BAZ1A: variants seen among roughly 807,000 people sequenced by gnomAD.
BAZ1A encodes the protein bromodomain adjacent to zinc finger domain 1A.
In BAZ1A, 50 loss-of-function variants were observed where a neutral mutation model predicts 185.2. That is an observed-to-expected ratio of 0.27 (90% CI 0.22 to 0.34). The LOEUF (loss-of-function observed/expected upper bound fraction) is 0.34, where lower values mean the gene tolerates loss of function less well. Ranked by LOEUF, BAZ1A falls within the 10% of genes least tolerant of loss-of-function variation. BAZ1A has a pLI of 1.00. For missense variants in BAZ1A, 1,356 were observed against 1,839.9 expected (o/e 0.74, Z 4.81); for synonymous variants, 571 against 615.6 (o/e 0.93, Z 1.07).
rs775384429 is a variant in BAZ1A, at chr14:34,786,170, G to A, written c.1562C>T (p.Ser521Phe). 47 of 1,613,482 alleles carry A rather than the reference G, an allele frequency of 2.9e-5. No individual in the cohort carries two copies. In the East Asian group the frequency reaches 1.0e-3, roughly 36 times the overall value. ...EDADPTKSALSAVASLAAAWP... is the reference protein window; with the variant it reads ...EDADPTKSALFAVASLAAAWP... ...TGCAGCTGCCAAAGATGCAACTGCAGACAGTGCAGATTTTGTGGGGTCTGC... is the reference window on the plus strand; with the variant it reads ...TGCAGCTGCCAAAGATGCAACTGCAAACAGTGCAGATTTTGTGGGGTCTGC... Residue 521 changes from serine to phenylalanine, a missense_variant, in exon 13 of 27, where the codon TCT (serine) becomes TTT (phenylalanine). Coordinates refer to ENST00000360310, the MANE Select transcript of BAZ1A (RefSeq NM_013448.3).
rs33993387 is a variant in BAZ1A, at chr14:34,859,428, C to CA, written c.392+2615dup. Among the ~76,000 whole-genome samples the CA allele has an allele frequency of 1.6e-3, 209 of 130,886 alleles. 3 individuals are homozygous for CA. The highest frequency in any genetic ancestry group is 9.5e-3 in the East Asian group (35 of 3,672). The allele number at this position is 130,886 out of a possible 152,430, so 85.9% of individuals were successfully genotyped here. ...TCTGGGCAACAGGGCCAGACCCTGT[C>CA]AAAAAAAAAAAAAAAAATCCACAGA... is the stretch of plus-strand genomic sequence containing the variant. On this transcript the variant is annotated intron_variant, in intron 3 of 26. Coordinates refer to ENST00000360310, the MANE Select transcript of BAZ1A (RefSeq NM_013448.3).
chr14:34,796,191 C>CAT (rs1464672893), intron 9 of BAZ1A, among the ~76,000 whole-genome samples: 1 of 151,190 alleles, frequency 6.6e-6, no homozygotes, highest in Non-Finnish European at 1.5e-5. Context: ...CACACACACA[C>CAT]ATATATGCAT....
intron 3 of BAZ1A, among the ~76,000 whole-genome samples, chr14:34,853,831 T>C (rs2042634024): frequency 6.6e-6 from 1 of 151,832 alleles, no homozygotes; most frequent in Admixed American, 6.6e-5. Flanking sequence ...AATGAGACAA[T>C]AAGAAAAGAA....
At chr14:34,867,705 G>C (rs568775348) in intron 2 of BAZ1A, among the ~76,000 whole-genome samples, 1 of 152,284 alleles carries the variant, frequency 6.6e-6, no homozygotes, top group African/African-American at 2.4e-5. Context: ...AAGGAGGCAG[G>C]ACATGCTACC....
intron 10 of BAZ1A, 36 bp from the exon 11 acceptor site, chr14:34,794,923 C>T: frequency 1.9e-6 from 3 of 1,594,782 alleles, no homozygotes; most frequent in African/African-American, 1.4e-5. Context: ...CTATTTGAAC[C>T]AAGAGCAGGA....
At chr14:34,796,262 C>T (rs1381953092) in intron 9 of BAZ1A, among the ~76,000 whole-genome samples, 2 of 151,952 alleles carry the variant, frequency 1.3e-5, no homozygotes, top group Non-Finnish European at 2.9e-5. Context: ...GCAGAAGAAG[C>T]CTTGAACCCG....
rs143745163 is a variant in BAZ1A, at chr14:34,794,829, G to C, written c.1283C>G (p.Ala428Gly). 18 of 1,613,980 alleles carry C rather than the reference G, an allele frequency of 1.1e-5. No individual in the cohort carries two copies. In the African/African-American group the frequency reaches 2.3e-4, roughly 20 times the overall value. Residue 428 changes from alanine to glycine, a missense_variant, in exon 11 of 27, where the codon GCT (alanine) becomes GGT (glycine). By Grantham distance (60) the Ala-to-Gly change is moderately conservative. Around this residue, in one of 7 missense-constraint regions of BAZ1A, gnomAD observed 184 missense variants for 355.1 expected, o/e 0.52. Coordinates refer to ENST00000360310, the MANE Select transcript of BAZ1A (RefSeq NM_013448.3). ...ATTAAGGAACTCCAAAACCATCAGA[G>C]CATCACCAAAGATTTCAGGAGGTAG... Reference protein sequence around the residue: ...TRLPPEIFGDALMVLEFLNAF... With the variant: ...TRLPPEIFGDGLMVLEFLNAF...
rs372299428 is a variant in BAZ1A, at chr14:34,806,781, C to A, written c.726+670G>T. Among the ~76,000 whole-genome samples, 91 of 151,758 alleles carry A rather than the reference C, an allele frequency of 6.0e-4. 1 individual carries two copies. The South Asian group carries it at 0.018, about 30-fold the overall frequency. ...TATATTATTTTGAGACAGGGTCTCA[C>A]TCTGTTGTCCAGGCTGGAGTGCAGT... On this transcript the variant is annotated intron_variant, in intron 6 of 26. Coordinates refer to ENST00000360310, the MANE Select transcript of BAZ1A (RefSeq NM_013448.3).
intron 16 of BAZ1A, among the ~76,000 whole-genome samples, chr14:34,781,907 G>A (rs1263780763): frequency 2.6e-5 from 4 of 152,118 alleles, no homozygotes; most frequent in African/African-American, 9.7e-5. Flanking sequence ...GACATACCAC[G>A]GAAGAGATAT....
intron 3 of BAZ1A, among the ~76,000 whole-genome samples, chr14:34,839,801 C>T (rs1449429432): frequency 7.0e-6 from 1 of 143,232 alleles, no homozygotes; most frequent in Admixed American, 7.3e-5. Flanking sequence ...GATCGTGCCA[C>T]TGCACTCCAG....
At chr14:34,868,780 G>A (rs1343168798) in intron 2 of BAZ1A, among the ~76,000 whole-genome samples, 1 of 151,394 alleles carries the variant, frequency 6.6e-6, no homozygotes, top group Non-Finnish European at 1.5e-5. Context: ...CAGCCTGGGC[G>A]ACACAGTGAG....
intron 21 of BAZ1A, among the ~76,000 whole-genome samples, chr14:34,767,182 C>G (rs1001519764): frequency 6.6e-6 from 1 of 152,286 alleles, no homozygotes. Flanking sequence ...TATAAACCAG[C>G]TAGATTTTAT....
intron 4 of BAZ1A, among the ~76,000 whole-genome samples, chr14:34,824,376 T>TAA (rs59459941): frequency 0.062 from 1,654 of 26,802 alleles, 129 homozygotes; most frequent in South Asian, 0.11. Flanking sequence ...TCCATCTCTT[T>TAA]AAAAAAAAAA....
intron 3 of BAZ1A, among the ~76,000 whole-genome samples, chr14:34,826,627 G>C (rs1046437284): frequency 1.3e-5 from 2 of 152,148 alleles, no homozygotes; most frequent in Non-Finnish European, 2.9e-5. Flanking sequence ...CACTGGTTAA[G>C]AGTGTGTTTT....
chr14:34,788,975 T>A (rs1880674811), intron 12 of BAZ1A, among the ~76,000 whole-genome samples: 1 of 152,288 alleles, frequency 6.6e-6, no homozygotes, highest in Non-Finnish European at 1.5e-5. Flanking sequence ...TCATCGACAA[T>A]TTCATGGCAT....
intron 4 of BAZ1A, among the ~76,000 whole-genome samples, chr14:34,817,697 TCTGCAAAAAAA>T (rs750251631): frequency 2.8e-4 from 42 of 152,324 alleles, no homozygotes; most frequent in Non-Finnish European, 5.1e-4. Flanking sequence ...AATGGGTATT[TCTGCAAAAAAA>T]TATACAAATG....
chr14:34,856,936 A>G (rs2042690373), intron 3 of BAZ1A, among the ~76,000 whole-genome samples: 1 of 151,840 alleles, frequency 6.6e-6, no homozygotes, highest in Non-Finnish European at 1.5e-5. Flanking sequence ...GCAATCAGAA[A>G]ATAACAAGGC....
chr14:34,859,490 G>A (rs1426813237), intron 3 of BAZ1A, among the ~76,000 whole-genome samples: 1 of 151,738 alleles, frequency 6.6e-6, no homozygotes, highest in Non-Finnish European at 1.5e-5. Flanking sequence ...AAGGGAAAGA[G>A]GTTTTCAGTT....
chr14:34,783,898 A>C lies in BAZ1A; in HGVS notation c.1861T>G (p.Cys621Gly). ...GAAACTAGGGTCAGTAGCTTTCCAC[A>C]GAGAGCATGGAGTATCTTCATTTTT... ...GEKMKILHALCGKLLTLVSTR... is the reference protein window; with the variant it reads ...GEKMKILHALGGKLLTLVSTR... The change falls in exon 15 of 27, where the codon TGT becomes GGT. Residue 621 changes from cysteine to glycine, a missense_variant. Cys to Gly is a radical substitution (Grantham distance 159, BLOSUM62 -3). This residue lies in a region of BAZ1A where 184 missense variants were observed against 355.1 expected (regional missense o/e 0.52). Coordinates refer to ENST00000360310, the MANE Select transcript of BAZ1A (RefSeq NM_013448.3). 6.2e-7 allele frequency: 1 copy of C among 1,609,468 alleles called. No individual in the cohort carries two copies. The highest frequency in any genetic ancestry group is 8.5e-7 in the Non-Finnish European group (1 of 1,178,646).
Sources: gnomAD v4.1 joint callset for allele counts (sites outside exome capture counted in the v4.1 genomes callset) on GRCh38, gnomAD v4.1.1 for gene constraint, gnomAD v4.1.1 regional missense constraint, MANE v1.5 for transcripts, NCBI Gene and HGNC (gene_info 2026-07-23, HGNC 2026-07-21) for gene names.